The following MACF1 variants were observed in gnomAD, a reference collection of about 807,000 sequenced individuals.
MACF1 encodes microtubule actin crosslinking factor 1.
Under a neutral mutation model 854.8 loss-of-function variants are expected in MACF1, and 193 were observed. The observed-to-expected ratio is 0.23, with a 90% confidence interval of 0.20 to 0.25. The LOEUF (loss-of-function observed/expected upper bound fraction) is 0.25. MACF1 is among the 10% of genes least tolerant of loss of function. The pLI, the probability that MACF1 is intolerant of heterozygous loss-of-function variation, is 1.00. For synonymous variants in MACF1, 3,185 were observed against 3,226.7 expected (o/e 0.99, Z 0.44); for missense variants, 7,722 against 8,929.1 (o/e 0.86, Z 5.45).
chr1:39,240,203 C>T (rs1481033355), intron 2 of MACF1, among the ~76,000 whole-genome samples: 1 of 152,152 alleles, frequency 6.6e-6, no homozygotes, highest in African/African-American at 2.4e-5. Flanking sequence ...ATACTTTTTG[C>T]GTATTCATGT....
chr1:39,190,397 T>TG (rs1360704646), intron 2 of MACF1, among the ~76,000 whole-genome samples: 6 of 120,988 alleles, frequency 5.0e-5, no homozygotes, highest in South Asian at 3.0e-4. Context: ...GTGTGTTTGT[T>TG]TTTGTTTTTT....
At chr1:39,358,348 C>A (rs978980750) in intron 45 of MACF1, among the ~76,000 whole-genome samples, 1 of 152,198 alleles carries the variant, frequency 6.6e-6, no homozygotes, top group African/African-American at 2.4e-5. Flanking sequence ...GCTCTTCTTA[C>A]CTGTCTTATG....
At chr1:39,481,113 G>A (rs777149638) in intron 99 of MACF1, 83 bp downstream of exon 99, 7 of 786,756 alleles carry the variant, frequency 8.9e-6, no homozygotes, top group Admixed American at 2.1e-5. Context: ...TTCCTGACAC[G>A]AATCCCTGCA....
intron 58 of MACF1, among the ~76,000 whole-genome samples, chr1:39,404,179 A>C (rs1270935671): frequency 1.3e-5 from 2 of 151,516 alleles, no homozygotes; most frequent in African/African-American, 4.8e-5. Context: ...ATAAATAAAT[A>C]AATAAAATGA....
At chr1:39,160,068 A>T (rs911206943) in intron 2 of MACF1, among the ~76,000 whole-genome samples, 3 of 152,092 alleles carry the variant, frequency 2.0e-5, no homozygotes, top group Non-Finnish European at 4.4e-5. Flanking sequence ...TAATCCCAAC[A>T]CTTTGGGAGG....
At chr1:39,116,397 TGTGTGTGCAC>T (rs1462249911) in intron 2 of MACF1, among the ~76,000 whole-genome samples, 4 of 151,878 alleles carry the variant, frequency 2.6e-5, no homozygotes, top group Non-Finnish European at 5.9e-5. Context: ...TGTGTGTGTG[TGTGTGTGCAC>T]GTGTGTGTGT....
chr1:39,435,742 C>T lies in MACF1; in HGVS notation c.17969C>T (p.Ala5990Val). The T allele has an allele frequency of 1.2e-6, 2 of 1,614,142 alleles. No homozygotes were observed. Among genetic ancestry groups the T allele is most frequent in the Non-Finnish European group, 1.7e-6 (2 of 1,179,984 alleles). Residue 5990 changes from alanine (A) to valine (V), a missense_variant, in exon 70 of 101, where the codon GCC becomes GTC. Transcript: ENST00000564288. ...VRQRALALDE[A>V]VSQSTQFHDK... ...CAGCGAGCCCTGGCTCTGGATGAAGCCGTGTCCCAGTCCACACAGGTATGT... is the reference window on the plus strand; with the variant it reads ...CAGCGAGCCCTGGCTCTGGATGAAGTCGTGTCCCAGTCCACACAGGTATGT...
At chr1:39,394,439 T>G (rs745601134) in intron 58 of MACF1, among the ~76,000 whole-genome samples, 10 of 152,110 alleles carry the variant, frequency 6.6e-5, no homozygotes, top group Admixed American at 5.2e-4. Context: ...CTGGCCAAGA[T>G]GGTGAAACCC....
rs112674502 is a variant in MACF1 at position 39,367,759 on chromosome 1, G to A, written c.12772-389G>A. Among the ~76,000 whole-genome samples the A allele has an allele frequency of 4.5e-3, 692 of 152,228 alleles. 4 individuals are homozygous for A. The highest frequency in any genetic ancestry group is 0.01 in the Middle Eastern group (3 of 294). ...TGTAATTCCTAGCCACTCTCCAGTGGATTGAAGTTGTCCTACATATTTATC... is the reference window on the plus strand; with the variant it reads ...TGTAATTCCTAGCCACTCTCCAGTGAATTGAAGTTGTCCTACATATTTATC... On this transcript the variant is annotated intron_variant, in intron 49 of 100. Coordinates refer to ENST00000564288, the MANE Select transcript of MACF1 (RefSeq NM_001394062.1).
chr1:39,282,719 G>T (rs1418790454), intron 7 of MACF1, among the ~76,000 whole-genome samples: 1 of 152,132 alleles, frequency 6.6e-6, no homozygotes, highest in Non-Finnish European at 1.5e-5. Context: ...TTTGGTGAGC[G>T]TGTTAAAGCA....
intron 2 of MACF1, among the ~76,000 whole-genome samples, chr1:39,231,544 A>G (rs1644777583): frequency 6.6e-6 from 1 of 152,168 alleles, no homozygotes; most frequent in South Asian, 2.1e-4. Context: ...TCATAATGGC[A>G]TGGAAACTTG....
rs771224675 is a variant in MACF1 at position 39,430,110 on chromosome 1, CTTTGTCAGAATCCTTAAGTT to C, written c.17130+45_17130+64del. The C allele has an allele frequency of 1.4e-5, 22 of 1,578,812 alleles. No individual in the cohort carries two copies. In the African/African-American group the frequency reaches 2.7e-4, roughly 20 times the overall value. On this transcript the variant is annotated intron_variant, in intron 65 of 100. Transcript: ENST00000564288. ...CCATAAAAAGAAAAAAAGGCTTCCT[CTTTGTCAGAATCCTTAAGTT>C]TTATCAACCTTTACCTTAAATATAA...
chr1:39,158,957 A>G (rs779359100), intron 2 of MACF1, among the ~76,000 whole-genome samples: 3 of 152,152 alleles, frequency 2.0e-5, no homozygotes, highest in Non-Finnish European at 4.4e-5. Context: ...AACCAACTCA[A>G]CTGGGCCGGG....
intron 58 of MACF1, among the ~76,000 whole-genome samples, chr1:39,408,998 C>T (rs557426481): frequency 7.1e-4 from 107 of 151,452 alleles, no homozygotes; most frequent in African/African-American, 2.2e-3. Context: ...CGCTCCCTGG[C>T]TTCCAGGGGG....
At chr1:39,434,352 T>A (rs375300089) in intron 68 of MACF1, 62 bp from the exon 69 acceptor site, 2 of 965,316 alleles carry the variant, frequency 2.1e-6, no homozygotes, top group Non-Finnish European at 3.1e-6. Flanking sequence ...ATACCTACTT[T>A]TTTTCTTAAG....
In MACF1 at chr1:39,334,564, T is replaced by C. The variant is rs768265700; in HGVS notation, c.7976T>C (p.Val2659Ala). 5 of 1,614,088 alleles carry C rather than the reference T, an allele frequency of 3.1e-6. 1 individual carries two copies. The South Asian group carries it at 5.5e-5, about 18-fold the overall frequency. Reference sequence around the variant, plus strand: ...CCCTTCTCAGACATTAAAGATGGGGTGAGCGACAAAGTGCTTACATTGTCT... The same window carrying C: ...CCCTTCTCAGACATTAAAGATGGGGCGAGCGACAAAGTGCTTACATTGTCT... ...VIPFSDIKDG[V>A]SDKVLTLSQA... Residue 2659 changes from valine to alanine, a missense_variant, in exon 37 of 101, where the codon GTG (valine) becomes GCG (alanine). Around this residue, in one of 15 missense-constraint regions of MACF1, gnomAD observed 1,531 missense variants for 1,601.6 expected, o/e 0.96. Coordinates refer to ENST00000564288, the MANE Select transcript of MACF1 (RefSeq NM_001394062.1).
At position 39,440,998 on chromosome 1, in the gene MACF1, T is replaced by C. The variant is rs372638291; in HGVS notation, c.18448-5T>C. 4.3e-6 allele frequency: 7 copies of C among 1,614,200 alleles called. No homozygotes were observed. The highest frequency in any genetic ancestry group is 5.9e-6 in the Non-Finnish European group (7 of 1,180,032). On this transcript the variant is annotated splice_region_variant and splice_polypyrimidine_tract_variant and intron_variant, in intron 72 of 100. Coordinates refer to ENST00000564288, the MANE Select transcript of MACF1 (RefSeq NM_001394062.1). Reference sequence around the variant, plus strand: ...TTGGCTTATATTCTATTCGTTTACATGTAGACTATTAAGGAAGAGACAGAT... The same window carrying C: ...TTGGCTTATATTCTATTCGTTTACACGTAGACTATTAAGGAAGAGACAGAT...
At chr1:39,143,947 C>G (rs890986122) in intron 2 of MACF1, among the ~76,000 whole-genome samples, 10 of 151,050 alleles carry the variant, frequency 6.6e-5, no homozygotes, top group African/African-American at 2.5e-4. Context: ...GCCACCATGC[C>G]TAGCTAATTT....
At chr1:39,438,074 G>C in intron 71 of MACF1, 66 bp downstream of exon 71, 1 of 1,396,646 alleles carries the variant, frequency 7.2e-7, no homozygotes, top group Non-Finnish European at 9.9e-7. Flanking sequence ...GTTATCTTCA[G>C]CATCCCACCA....
Sources: allele counts gnomAD v4.1 joint callset (sites outside exome capture counted in the v4.1 genomes callset), GRCh38; gene constraint gnomAD v4.1.1; regional missense constraint gnomAD v4.1.1; transcripts MANE v1.5; gene names NCBI Gene and HGNC (gene_info 2026-07-23, HGNC 2026-07-21).